GALNT13: variants seen among roughly 807,000 people sequenced by gnomAD.
GALNT13 encodes the protein polypeptide N-acetylgalactosaminyltransferase 13.
A neutral mutation model predicts 64.2 loss-of-function variants in GALNT13; 28 were observed. The ratio of observed to expected loss-of-function variants is 0.44; its 90% CI spans 0.32 to 0.60. The LOEUF (loss-of-function observed/expected upper bound fraction) is 0.60, where lower values mean the gene tolerates loss of function less well. Among genes scored for constraint, GALNT13 ranks in the 20% least tolerant of loss-of-function variants. GALNT13 has a pLI of 0.05. For synonymous variants in GALNT13, 214 were observed against 224.6 expected (o/e 0.95, Z 0.42); for missense variants, 577 against 669.8 (o/e 0.86, Z 1.53).
chr2:153,475,991 G>C, the GALNT13 span, among the ~76,000 whole-genome samples: 1 of 152,114 alleles, frequency 6.6e-6, no homozygotes, highest in African/African-American at 2.4e-5. Flanking sequence ...TGCTTTCCAA[G>C]ACTCCTACTG....
At chr2:154,189,881 A>G (rs998933814) in intron 4 of GALNT13, among the ~76,000 whole-genome samples, 1 of 152,194 alleles carries the variant, frequency 6.6e-6, no homozygotes, top group Non-Finnish European at 1.5e-5. Context: ...ATGGAAAAAG[A>G]TTCACATGTT....
At chr2:154,026,210 G>C (rs1014790177) in intron 3 of GALNT13, among the ~76,000 whole-genome samples, 2 of 152,180 alleles carry the variant, frequency 1.3e-5, no homozygotes, top group Admixed American at 1.3e-4. Flanking sequence ...CACTACTAGA[G>C]GAGAGAGATT....
At chr2:153,814,213 G>C in the GALNT13 span, among the ~76,000 whole-genome samples, 1 of 152,172 alleles carries the variant, frequency 6.6e-6, no homozygotes, top group East Asian at 1.9e-4. Context: ...AGCCGAGGTG[G>C]GCGGATCACG....
At chr2:153,589,856 G>A in the GALNT13 span, among the ~76,000 whole-genome samples, 1 of 152,106 alleles carries the variant, frequency 6.6e-6, no homozygotes, top group Non-Finnish European at 1.5e-5. Flanking sequence ...AATTCAAGAT[G>A]AGCAAGATGA....
the GALNT13 span, among the ~76,000 whole-genome samples, chr2:153,635,404 A>ATATATATATACACATATATATGTG: frequency 1.6e-5 from 2 of 128,410 alleles, no homozygotes; most frequent in South Asian, 2.3e-4. Context: ...ATATGTATAT[A>ATATATATATACACATATATATGTG]TATATATATA....
At chr2:154,272,114 G>A (rs1481926469) in intron 8 of GALNT13, among the ~76,000 whole-genome samples, 2 of 151,744 alleles carry the variant, frequency 1.3e-5, no homozygotes, top group African/African-American at 2.4e-5. Context: ...ATATTTTATA[G>A]GGCTTATCCA....
chr2:154,184,108 TATA>T (rs1162412425), intron 4 of GALNT13, among the ~76,000 whole-genome samples: 4 of 151,836 alleles, frequency 2.6e-5, no homozygotes, highest in South Asian at 2.1e-4. Flanking sequence ...CTTATAAATT[TATA>T]ATAATACATG....
intron 9 of GALNT13, among the ~76,000 whole-genome samples, chr2:154,349,706 T>C (rs182051132): frequency 5.3e-5 from 8 of 152,294 alleles, no homozygotes; most frequent in South Asian, 2.1e-4. Flanking sequence ...GAGATGGACA[T>C]ATCCAGAATC....
chr2:153,218,382 C>A, the GALNT13 span, among the ~76,000 whole-genome samples: 1 of 152,108 alleles, frequency 6.6e-6, no homozygotes, highest in African/African-American at 2.4e-5. Context: ...TTATTTTTAG[C>A]CCAGCATGTA....
At position 154,453,061 on chromosome 2, in the gene GALNT13, C is replaced by T. The variant is rs1468631215; in HGVS notation, c.*2510C>T. The stretch of plus-strand genomic sequence containing the variant: ...CAACAGCAAATCCCCTTGATGCTAC[C>T]TTTGAAATATAACTAGAAAAGAATG... On this transcript the variant is annotated 3_prime_UTR_variant, in exon 13 of 13. Transcript: ENST00000392825. 2 of 152,158 alleles carry T rather than the reference C, an allele frequency of 1.3e-5. No homozygotes were observed. The highest frequency in any genetic ancestry group is 4.1e-4 in the South Asian group (2 of 4,830). The allele number at this position is 152,158 out of a possible 1,614,324, so 9.4% of individuals were successfully genotyped here. A position where few individuals can be genotyped will look rare whatever the true frequency, so the allele number is the denominator to read the frequency against.
chr2:154,323,925 T>C (rs1209125993), intron 9 of GALNT13, among the ~76,000 whole-genome samples: 2 of 152,084 alleles, frequency 1.3e-5, no homozygotes, highest in African/African-American at 2.4e-5. Context: ...GCAAGTATTA[T>C]CTCCCAGGTG....
intron 4 of GALNT13, among the ~76,000 whole-genome samples, chr2:154,202,807 C>T (rs556501903): frequency 8.1e-4 from 123 of 152,230 alleles, no homozygotes; most frequent in African/African-American, 2.9e-3. Flanking sequence ...TCCAAAATGA[C>T]TACCATCGGT....
At chr2:154,219,177 T>A (rs1479636090) in intron 4 of GALNT13, among the ~76,000 whole-genome samples, 1 of 152,082 alleles carries the variant, frequency 6.6e-6, no homozygotes, top group Admixed American at 6.6e-5. Context: ...TTTAATAATA[T>A]TAGCTAACAT....
the GALNT13 span, among the ~76,000 whole-genome samples, chr2:153,819,362 G>C: frequency 6.6e-6 from 1 of 152,152 alleles, no homozygotes; most frequent in Non-Finnish European, 1.5e-5. Context: ...TGAACTAGGA[G>C]TCACAAGCCC....
chr2:153,295,003 A>C, the GALNT13 span, among the ~76,000 whole-genome samples: 3 of 152,200 alleles, frequency 2.0e-5, no homozygotes, highest in Non-Finnish European at 2.9e-5. Context: ...ATAGATTTAA[A>C]TTTGCATCTG....
At chr2:153,699,371 C>A in the GALNT13 span, among the ~76,000 whole-genome samples, 1 of 151,990 alleles carries the variant, frequency 6.6e-6, no homozygotes, top group Admixed American at 6.6e-5. Context: ...GCACTAAATG[C>A]CCTTATCAGA....
At chr2:153,406,044 T>G in the GALNT13 span, among the ~76,000 whole-genome samples, 3 of 152,296 alleles carry the variant, frequency 2.0e-5, no homozygotes, top group South Asian at 4.1e-4. Context: ...AGAAAGTTGC[T>G]AAAGACAAAC....
chr2:153,568,455 GTTAC>G, the GALNT13 span, among the ~76,000 whole-genome samples: 2 of 152,156 alleles, frequency 1.3e-5, no homozygotes, highest in Non-Finnish European at 2.9e-5. Flanking sequence ...ACCTGAAACT[GTTAC>G]TTACTTACAT....
intron 2 of GALNT13, among the ~76,000 whole-genome samples, chr2:153,939,401 T>A (rs1225503276): frequency 6.6e-6 from 1 of 152,210 alleles, no homozygotes; most frequent in Non-Finnish European, 1.5e-5. Context: ...TCTTATCTGG[T>A]GAACTTGTGA....
Sources: allele counts gnomAD v4.1 joint callset (sites outside exome capture counted in the v4.1 genomes callset), GRCh38; gene constraint gnomAD v4.1.1; transcripts MANE v1.5; gene names NCBI Gene and HGNC (gene_info 2026-07-23, HGNC 2026-07-21).